Variants in SYT10 observed in about 807,000 individuals in gnomAD.
SYT10 encodes the protein synaptotagmin 10, also known as synaptotagmin-10.
Under a neutral mutation model 51.1 loss-of-function variants are expected in SYT10, and 31 were observed. That is an observed-to-expected ratio of 0.61 (90% CI 0.46 to 0.82). SYT10 has a LOEUF of 0.82. SYT10 is among the 40% of genes least tolerant of loss of function. The pLI, the probability that SYT10 is intolerant of heterozygous loss-of-function variation, is 0.00. For missense variants in SYT10, 603 were observed against 634.0 expected, an observed-to-expected ratio of 0.95 and a Z score of 0.53; for synonymous variants, 233 against 225.9, an observed-to-expected ratio of 1.03 and a Z score of -0.28.
At chr12:33,423,489 T>C (rs1866523598) in intron 2 of SYT10, among the ~76,000 whole-genome samples, 1 of 152,128 alleles carries the variant, frequency 6.6e-6, no homozygotes, top group African/African-American at 2.4e-5. Context: ...CAATTTCCTC[T>C]TCCTCTCTCT....
At position 33,439,665 on chromosome 12, in the gene SYT10, C is replaced by T; in HGVS notation, c.-143G>A. ...AGATTGCGCCGCTGAGAGCCGGCAACTCTTAGGAGCCCCACGTTGGCCCCA... is the reference window on the plus strand; with the variant it reads ...AGATTGCGCCGCTGAGAGCCGGCAATTCTTAGGAGCCCCACGTTGGCCCCA... On this transcript the variant is annotated 5_prime_UTR_variant, in exon 1 of 7. Transcript: ENST00000228567. 6.0e-6 allele frequency: 6 copies of T among 1,004,284 alleles called. No homozygotes were observed. The highest frequency in any genetic ancestry group is 8.6e-6 in the Non-Finnish European group (6 of 701,344). 62.2% of individuals were successfully genotyped at this position (1,004,284 alleles called of 1,614,324 possible).
At chr12:33,387,140 A>G (rs1189245323) in intron 3 of SYT10, among the ~76,000 whole-genome samples, 2 of 152,128 alleles carry the variant, frequency 1.3e-5, no homozygotes, top group Non-Finnish European at 2.9e-5. Context: ...TTCATGATAC[A>G]CTATTAACAT....
chr12:33,428,681 C>T (rs1264476968), intron 1 of SYT10, among the ~76,000 whole-genome samples: 3 of 151,952 alleles, frequency 2.0e-5, no homozygotes, highest in African/African-American at 4.8e-5. Context: ...CTGAGACGGG[C>T]GGATCACGAG....
chr12:33,416,840 A>G (rs1423431361), intron 2 of SYT10, among the ~76,000 whole-genome samples: 2 of 152,194 alleles, frequency 1.3e-5, no homozygotes, highest in African/African-American at 4.8e-5. Context: ...TGCAAGCATC[A>G]GAGAGGAGGA....
chr12:33,388,958 G>A (rs1457081982), intron 3 of SYT10, among the ~76,000 whole-genome samples: 1 of 152,212 alleles, frequency 6.6e-6, no homozygotes, highest in Non-Finnish European at 1.5e-5. Context: ...AAGAGATGGA[G>A]AGAAGGCAGA....
At position 33,379,948 on chromosome 12, in the gene SYT10, C is replaced by T. The variant is rs1866099787; in HGVS notation, c.1384G>A (p.Glu462Lys). The T allele has an allele frequency of 6.2e-7, 1 of 1,611,856 alleles. No individual in the cohort carries two copies. ...CCTGTTCTGCACACTCCTATGACCT[C>T]ATTGTGTCCTACCCTATGATTTGTG... The part of the protein sequence containing the change: ...VMDYDRVGHN[E>K]VIGVCRTGLD... Residue 462 changes from glutamate (E) to lysine (K), a missense_variant, in exon 6 of 7, where the codon GAG becomes AAG. Glu to Lys is a moderately conservative substitution (Grantham distance 56, BLOSUM62 1). Transcript: ENST00000228567.
intron 2 of SYT10, among the ~76,000 whole-genome samples, chr12:33,410,075 A>T (rs1271427082): frequency 6.6e-6 from 1 of 152,202 alleles, no homozygotes; most frequent in Non-Finnish European, 1.5e-5. Flanking sequence ...GAAGAAAAAT[A>T]TTTCTGCCTC....
At chr12:33,384,753 C>T (rs917915253) in intron 4 of SYT10, among the ~76,000 whole-genome samples, 6 of 152,118 alleles carry the variant, frequency 3.9e-5, no homozygotes, top group Non-Finnish European at 5.9e-5. Context: ...AAATGGTAGT[C>T]GTGGAACATG....
intron 6 of SYT10, among the ~76,000 whole-genome samples, chr12:33,378,097 C>A (rs887825868): frequency 6.6e-6 from 1 of 152,106 alleles, no homozygotes; most frequent in Middle Eastern, 3.4e-3. Flanking sequence ...GTCCCTAGTC[C>A]GTATATTCTG....
At chr12:33,384,384 A>G (rs1056494939) in intron 4 of SYT10, among the ~76,000 whole-genome samples, 2 of 152,088 alleles carry the variant, frequency 1.3e-5, no homozygotes, top group Admixed American at 6.6e-5. Context: ...GTTGTTCTGC[A>G]AAACCACAAA....
intron 3 of SYT10, among the ~76,000 whole-genome samples, chr12:33,403,829 T>C (rs1329327295): frequency 7.9e-5 from 12 of 152,126 alleles, no homozygotes; most frequent in Non-Finnish European, 1.6e-4. Flanking sequence ...TGTAACATTG[T>C]TTAATGATTT....
intron 2 of SYT10, among the ~76,000 whole-genome samples, chr12:33,413,359 G>A (rs544225960): frequency 1.4e-4 from 21 of 152,188 alleles, no homozygotes; most frequent in African/African-American, 3.9e-4. Context: ...CTTGAGAAGA[G>A]CAACTCCAAG....
chr12:33,434,146 T>G (rs1866618970), intron 1 of SYT10, among the ~76,000 whole-genome samples: 1 of 152,202 alleles, frequency 6.6e-6, no homozygotes, highest in Admixed American at 6.5e-5. Flanking sequence ...CTAGAACTTG[T>G]AGACTCAGTG....
At chr12:33,439,280 G>A in intron 1 of SYT10, 92 bp downstream of exon 1, 1 of 1,472,374 alleles carries the variant, frequency 6.8e-7, no homozygotes, top group Non-Finnish European at 9.1e-7. Flanking sequence ...TGCCGCGGGA[G>A]CGGCGCGGGA....
At chr12:33,433,036 A>C (rs1866609806) in intron 1 of SYT10, among the ~76,000 whole-genome samples, 1 of 152,126 alleles carries the variant, frequency 6.6e-6, no homozygotes, top group South Asian at 2.1e-4. Flanking sequence ...TTATAGCTTC[A>C]GTGACTACTT....
intron 2 of SYT10, among the ~76,000 whole-genome samples, chr12:33,415,556 G>A (rs1350010898): frequency 6.6e-6 from 1 of 152,006 alleles, no homozygotes; most frequent in East Asian, 1.9e-4. Flanking sequence ...AATCACAGAA[G>A]AAAAGTAAAA....
intron 6 of SYT10, among the ~76,000 whole-genome samples, chr12:33,377,617 C>G (rs1591978868): frequency 1.2e-5 from 1 of 81,024 alleles, no homozygotes. Context: ...ACCTGATTTT[C>G]TTTTTCTTTT....
At chr12:33,390,456 C>T (rs550991523) in intron 3 of SYT10, among the ~76,000 whole-genome samples, 1 of 152,198 alleles carries the variant, frequency 6.6e-6, no homozygotes, top group African/African-American at 2.4e-5. Flanking sequence ...TATGAAGTCC[C>T]AACTATTTGA....
chr12:33,384,457 C>T (rs1163189083), intron 4 of SYT10, among the ~76,000 whole-genome samples: 2 of 152,118 alleles, frequency 1.3e-5, no homozygotes, highest in Admixed American at 6.6e-5. Context: ...CTGTTTACTA[C>T]AACAAATACC....
Sources: allele counts gnomAD v4.1 joint callset (sites outside exome capture counted in the v4.1 genomes callset), GRCh38; gene constraint gnomAD v4.1.1; transcripts MANE v1.5; gene names NCBI Gene and HGNC (gene_info 2026-07-23, HGNC 2026-07-21).